Variants in KIAA1328 observed in about 807,000 individuals in gnomAD.
KIAA1328 encodes the protein KIAA1328.
KIAA1328 carries 52 observed loss-of-function variants against 68.1 expected under a neutral mutation model. That is an observed-to-expected ratio of 0.76 (90% CI 0.61 to 0.96). KIAA1328 has a LOEUF of 0.96. KIAA1328 is among the 40% of genes least tolerant of loss of function. The pLI, the probability that KIAA1328 is intolerant of heterozygous loss-of-function variation, is 0.00. For synonymous variants in KIAA1328, 232 were observed against 239.4 expected (o/e 0.97, Z 0.28); for missense variants, 641 against 677.6 (o/e 0.95, Z 0.60).
At chr18:37,159,820 T>C (rs1195797042) in intron 7 of KIAA1328, among the ~76,000 whole-genome samples, 1 of 152,180 alleles carries the variant, frequency 6.6e-6, no homozygotes, top group East Asian at 1.9e-4. Context: ...ATTGGTGATA[T>C]TTTAATCCCT....
Position 36,913,543 on chromosome 18 carries a change from T to TACACACACACACACACACAC in KIAA1328, c.448+27878_448+27897dup, listed in dbSNP as rs34096013. Among the ~76,000 whole-genome samples, 332 of 131,490 alleles carry TACACACACACACACACACAC rather than the reference T, an allele frequency of 2.5e-3. 10 individuals are homozygous for TACACACACACACACACACAC. Among genetic ancestry groups the TACACACACACACACACACAC allele is most frequent in the South Asian group, 5.8e-3 (21 of 3,626 alleles). The allele number at this position is 131,490 out of a possible 152,430, so 86.3% of individuals were successfully genotyped here. A position where few individuals can be genotyped will look rare whatever the true frequency, so the allele number is the denominator to read the frequency against. On this transcript the variant is annotated intron_variant, in intron 5 of 9. Coordinates refer to ENST00000280020, the MANE Select transcript of KIAA1328 (RefSeq NM_020776.3). Reference sequence around the variant, plus strand: ...ACACACTTAGAGGAAAGCAACTGCCTACACACACACACACACACACACACA... The same window carrying TACACACACACACACACACAC: ...ACACACTTAGAGGAAAGCAACTGCCTACACACACACACACACACACACACACACACACACACACACACACA...
At chr18:36,829,784 T>C (rs2046399443) in intron 1 of KIAA1328, among the ~76,000 whole-genome samples, 1 of 152,186 alleles carries the variant, frequency 6.6e-6, no homozygotes, top group African/African-American at 2.4e-5. Context: ...GGAATCATTG[T>C]GCCTGGAAGT....
chr18:36,841,611 C>G (rs1158506908), intron 3 of KIAA1328, among the ~76,000 whole-genome samples: 1 of 152,072 alleles, frequency 6.6e-6, no homozygotes, highest in East Asian at 1.9e-4. Flanking sequence ...ATAAATTGGA[C>G]AGGTAGTAAA....
At chr18:37,022,941 A>G (rs572342982) in intron 6 of KIAA1328, among the ~76,000 whole-genome samples, 12 of 152,346 alleles carry the variant, frequency 7.9e-5, no homozygotes, top group South Asian at 2.1e-4. Flanking sequence ...TTGCTATACA[A>G]GTCTCTTACA....
At position 37,224,503 on chromosome 18, in the gene KIAA1328, G is replaced by A. The variant is rs1396181835; in HGVS notation, c.*2276G>A. The A allele has an allele frequency of 6.1e-6, 6 of 985,150 alleles. No homozygotes were observed. Among genetic ancestry groups the A allele is most frequent in the Admixed American group, 6.1e-5 (1 of 16,262 alleles). 61.0% of individuals were successfully genotyped at this position (985,150 alleles called of 1,614,324 possible). A position where few individuals can be genotyped will look rare whatever the true frequency, so the allele number is the denominator to read the frequency against. On this transcript the variant is annotated 3_prime_UTR_variant, in exon 10 of 10. Coordinates refer to ENST00000280020, the MANE Select transcript of KIAA1328 (RefSeq NM_020776.3). ...CTTAATGGACATTTTGTTGGTGTTGGTGCAAGGGCAATAGGATGTAAATTT... is the reference window on the plus strand; with the variant it reads ...CTTAATGGACATTTTGTTGGTGTTGATGCAAGGGCAATAGGATGTAAATTT...
intron 9 of KIAA1328, among the ~76,000 whole-genome samples, chr18:37,199,562 G>A (rs1017811386): frequency 1.3e-5 from 2 of 152,152 alleles, no homozygotes; most frequent in African/African-American, 4.8e-5. Flanking sequence ...AACAACATGT[G>A]CATGTGTTTT....
rs764395931 is a variant in KIAA1328 at position 37,067,357 on chromosome 18, T to TG, written c.1046dup (p.Gly350TrpfsTer7). On this transcript the variant is annotated frameshift_variant, in exon 7 of 10. Coordinates refer to ENST00000280020, the MANE Select transcript of KIAA1328 (RefSeq NM_020776.3). LOFTEE classifies it high-confidence loss of function. ...TTTCTTGGGCATCTCTGGTGCATGG[T>TG]GGTGGGGCACTGCAACCCATTGAAA... 3 of 1,613,648 alleles carry TG rather than the reference T, an allele frequency of 1.9e-6. No individual in the cohort carries two copies. The highest frequency in any genetic ancestry group is 2.5e-6 in the Non-Finnish European group (3 of 1,179,778).
At chr18:37,204,724 C>A in intron 9 of KIAA1328, among the ~76,000 whole-genome samples, 1 of 124,258 alleles carries the variant, frequency 8.0e-6, no homozygotes, top group African/African-American at 3.1e-5. Context: ...TGAAAGGAAG[C>A]AGAGAGACCA....
At chr18:36,997,864 C>T (rs574662247) in intron 6 of KIAA1328, among the ~76,000 whole-genome samples, 18 of 152,240 alleles carry the variant, frequency 1.2e-4, no homozygotes, top group Non-Finnish European at 2.1e-4. Flanking sequence ...ACTGTGGTGT[C>T]AGCTGGGCAT....
At chr18:37,083,403 C>T (rs1015939335) in intron 7 of KIAA1328, among the ~76,000 whole-genome samples, 3 of 152,186 alleles carry the variant, frequency 2.0e-5, no homozygotes, top group African/African-American at 4.8e-5. Flanking sequence ...AATGTTTTTA[C>T]ACTTCAGAGT....
At chr18:36,891,825 G>C (rs185606147) in intron 5 of KIAA1328, among the ~76,000 whole-genome samples, 21 of 152,246 alleles carry the variant, frequency 1.4e-4, no homozygotes. Context: ...TGGATACCCA[G>C]TAGTGGGATT....
At chr18:36,988,107 G>A (rs183124856) in intron 6 of KIAA1328, among the ~76,000 whole-genome samples, 2 of 152,242 alleles carry the variant, frequency 1.3e-5, no homozygotes, top group East Asian at 1.9e-4. Flanking sequence ...GGCTTTAAAT[G>A]TCACTCTTAG....
intron 7 of KIAA1328, among the ~76,000 whole-genome samples, chr18:37,103,028 A>T (rs1250578737): frequency 6.6e-6 from 1 of 152,234 alleles, no homozygotes; most frequent in Non-Finnish European, 1.5e-5. Flanking sequence ...GCTGAAAGAA[A>T]TTGAGAAGAA....
intron 7 of KIAA1328, among the ~76,000 whole-genome samples, chr18:37,141,089 A>G (rs1411529587): frequency 1.3e-5 from 2 of 152,180 alleles, no homozygotes; most frequent in Admixed American, 6.5e-5. Flanking sequence ...TTTATTGTTA[A>G]TCAACTTTAC....
At chr18:36,921,511 C>A (rs368294898) in intron 5 of KIAA1328, among the ~76,000 whole-genome samples, 1 of 152,088 alleles carries the variant, frequency 6.6e-6, no homozygotes, top group East Asian at 1.9e-4. Context: ...TCACGCCATT[C>A]CTCTGCCTCA....
At chr18:36,860,455 T>C (rs1057085079) in intron 4 of KIAA1328, among the ~76,000 whole-genome samples, 4 of 151,874 alleles carry the variant, frequency 2.6e-5, no homozygotes, top group Non-Finnish European at 4.4e-5. Flanking sequence ...TATAGCTGCA[T>C]TTTTTTTCAT....
intron 3 of KIAA1328, among the ~76,000 whole-genome samples, chr18:36,839,956 C>T (rs1016151074): frequency 2.6e-5 from 4 of 152,286 alleles, no homozygotes; most frequent in South Asian, 4.1e-4. Flanking sequence ...GGTCAGTGCT[C>T]AGTAGTTGAC....
chr18:37,156,426 C>CAAAAAAAA (rs769062667), intron 7 of KIAA1328, among the ~76,000 whole-genome samples: 1 of 36,106 alleles, frequency 2.8e-5, no homozygotes, highest in African/African-American at 8.5e-5. Context: ...AACTCCGCCT[C>CAAAAAAAA]AAAAAAAAAA....
intron 7 of KIAA1328, among the ~76,000 whole-genome samples, chr18:37,142,000 A>G (rs924221862): frequency 2.0e-5 from 3 of 152,182 alleles, no homozygotes; most frequent in African/African-American, 7.2e-5. Context: ...TATGTGACTT[A>G]ACTTGTTATG....
Sources: allele counts gnomAD v4.1 joint callset (sites outside exome capture counted in the v4.1 genomes callset), GRCh38; gene constraint gnomAD v4.1.1; transcripts MANE v1.5; gene names NCBI Gene and HGNC (gene_info 2026-07-23, HGNC 2026-07-21).